Variants in RASEF observed in about 807,000 individuals in gnomAD.
RASEF encodes the protein ras and EF-hand domain-containing protein.
In RASEF, 68 loss-of-function variants were observed where a neutral mutation model predicts 90.1. The observed-to-expected ratio is 0.75, with a 90% CI of 0.62 to 0.92. The LOEUF is 0.92. Among genes scored for constraint, RASEF ranks in the 40% least tolerant of loss-of-function variants. RASEF has a pLI of 0.00. For synonymous variants in RASEF, 331 were observed against 345.2 expected (o/e 0.96, Z 0.46); for missense variants, 949 against 937.2 (o/e 1.01, Z -0.16).
intron 3 of RASEF, among the ~76,000 whole-genome samples, chr9:83,020,913 A>T (rs1456667688): frequency 4.6e-5 from 7 of 152,216 alleles, no homozygotes; most frequent in African/African-American, 1.4e-4. Context: ...TACCAAAAGG[A>T]AAGTGCTAGC....
rs1470025089 is a variant in RASEF, at chr9:83,000,193, G to A, written c.1699C>T (p.Arg567Ter). Reference sequence around the variant, plus strand: ...CCCAGGGTGGCGCTTATATTTTCTCGAAATTCATTCTTGCAAAGTCTCATG... The same window carrying A: ...CCCAGGGTGGCGCTTATATTTTCTCAAAATTCATTCTTGCAAAGTCTCATG... The part of the protein sequence containing the change: ...FLMRLCKNEF[R>*]ENISATLGVD... Residue 567 changes from arginine (R) to a stop codon, truncating the protein, a stop_gained, in exon 12 of 17, where the codon CGA becomes TGA. Transcript: ENST00000376447. LOFTEE classifies it high-confidence loss of function. 3.1e-6 allele frequency: 5 copies of A among 1,613,598 alleles called. No individual in the cohort carries two copies. The highest frequency in any genetic ancestry group is 4.2e-6 in the Non-Finnish European group (5 of 1,179,920).
At chr9:83,122,266 A>G in the RASEF span, among the ~76,000 whole-genome samples, 1 of 152,182 alleles carries the variant, frequency 6.6e-6, no homozygotes, top group South Asian at 2.1e-4. Flanking sequence ...GCAGCTTTTC[A>G]CGTTCAACTC....
At chr9:82,991,383 C>T (rs934980804) in intron 15 of RASEF, among the ~76,000 whole-genome samples, 3 of 152,202 alleles carry the variant, frequency 2.0e-5, no homozygotes, top group Non-Finnish European at 4.4e-5. Flanking sequence ...TCATGCACAG[C>T]AATTGCCACA....
At chr9:83,030,603 C>T (rs913070346) in intron 1 of RASEF, among the ~76,000 whole-genome samples, 2 of 152,176 alleles carry the variant, frequency 1.3e-5, no homozygotes, top group East Asian at 1.9e-4. Flanking sequence ...ATGTCTGCCA[C>T]TAACAGAAAA....
chr9:83,016,720 G>T (rs898172770), intron 3 of RASEF, among the ~76,000 whole-genome samples: 1 of 151,874 alleles, frequency 6.6e-6, no homozygotes, highest in Non-Finnish European at 1.5e-5. Context: ...TACAAAAAAA[G>T]AAAAAACAGG....
At chr9:83,106,977 C>T in the RASEF span, among the ~76,000 whole-genome samples, 6 of 152,130 alleles carry the variant, frequency 3.9e-5, no homozygotes, top group African/African-American at 1.2e-4. Context: ...TCTGGCCTTG[C>T]ACTGCAGCAA....
Position 83,025,796 on chromosome 9 carries a change from T to A in RASEF, c.557A>T (p.Asn186Ile). 1 of 1,613,822 alleles carries A rather than the reference T, an allele frequency of 6.2e-7. No individual in the cohort carries two copies. The highest frequency in any genetic ancestry group is 1.1e-5 in the South Asian group (1 of 90,978). ...EIRLQSTEME[N>I]LAIAVKRAQD... ...ATACCTCTTCACCGCAATGGCCAAA[T>A]TTTCCATTTCTGTGCTTTGAAGTCT... The change falls in exon 2 of 17, where the codon AAT (asparagine) becomes ATT (isoleucine). Residue 186 changes from asparagine to isoleucine, a missense_variant. Around this residue, in one of 3 missense-constraint regions of RASEF, gnomAD observed 656 missense variants for 592.2 expected, o/e 1.11. Transcript: ENST00000376447.
chr9:83,055,716 CA>C lies in RASEF; in HGVS notation c.431+6720del. ...ACAAAAGTCATCCAAATCTGTAATG[CA>C]GGTGATTTGGAATGAGCTCACATCA... On this transcript the variant is annotated intron_variant, in intron 1 of 16. Transcript: ENST00000376447. 4.2e-6 allele frequency: 3 copies of C among 714,856 alleles called. No individual in the cohort carries two copies. The South Asian group carries it at 4.5e-5, about 11-fold the overall frequency. The allele number at this position is 714,856 out of a possible 1,614,324, so 44.3% of individuals were successfully genotyped here.
intron 12 of RASEF, 101 bp downstream of exon 12, chr9:83,000,068 G>T: frequency 1.9e-6 from 2 of 1,075,458 alleles, no homozygotes; most frequent in South Asian, 1.5e-5. Context: ...CAGAGAAAGA[G>T]AAAACTGTTA....
At chr9:83,094,400 ATATAT>A in the RASEF span, among the ~76,000 whole-genome samples, 1 of 152,052 alleles carries the variant, frequency 6.6e-6, no homozygotes, top group Non-Finnish European at 1.5e-5. Flanking sequence ...TTAAAATAAA[ATATAT>A]TATTAAAATT....
chr9:83,161,984 T>A, the RASEF span, among the ~76,000 whole-genome samples: 1 of 152,038 alleles, frequency 6.6e-6, no homozygotes, highest in East Asian at 1.9e-4. Flanking sequence ...AACCTCTTTC[T>A]TCTGTAAATT....
chr9:83,015,895 T>G lies in RASEF; in HGVS notation c.675A>C (p.Lys225Asn). ...CACTGAGGGCTTCCTCAGCTTTGCG[T>G]TTTTCCTAAAAGAAAAAAAAATATG... ...AAEHKTRKDE[K>N]RKAEEALSDL... Residue 225 changes from lysine (K) to asparagine (N), a missense_variant, in exon 4 of 17, where the codon AAA becomes AAC. Coordinates refer to ENST00000376447, the MANE Select transcript of RASEF (RefSeq NM_152573.4). 6.2e-7 allele frequency: 1 copy of G among 1,612,334 alleles called. No individual in the cohort carries two copies. The highest frequency in any genetic ancestry group is 8.5e-7 in the Non-Finnish European group (1 of 1,179,076).
rs185831626 is a variant in RASEF at position 83,031,864 on chromosome 9, T to G, written c.432-5943A>C. Among the ~76,000 whole-genome samples, 440 of 152,268 alleles carry G rather than the reference T, an allele frequency of 2.9e-3. 4 individuals are homozygous for G. Among genetic ancestry groups the G allele is most frequent in the African/African-American group, 0.01 (429 of 41,548 alleles). On this transcript the variant is annotated intron_variant, in intron 1 of 16. Transcript: ENST00000376447. The stretch of plus-strand genomic sequence containing the variant: ...GCAGTGGGCACAGTCCCACCTTCCA[T>G]CCCTGCCCCCATCTGCCTGTGTGCT...
chr9:83,079,106 C>T, the RASEF span, among the ~76,000 whole-genome samples: 54 of 152,230 alleles, frequency 3.5e-4, no homozygotes, highest in East Asian at 9.5e-3. Flanking sequence ...CTTTTGGTGT[C>T]TTTGTCATGA....
upstream of RASEF, among the ~76,000 whole-genome samples, chr9:83,066,567 T>C (rs984760243): frequency 1.3e-5 from 2 of 152,230 alleles, no homozygotes; most frequent in African/African-American, 4.8e-5. Context: ...CAGAGCAGGC[T>C]TTGAGAGCCA....
At chr9:83,064,667 T>C (rs1423830376), upstream of RASEF, among the ~76,000 whole-genome samples, 1 of 152,232 alleles carries the variant, frequency 6.6e-6, no homozygotes, top group East Asian at 1.9e-4. Flanking sequence ...TGCACAACTT[T>C]ATTCCTGAAT....
rs1828567300 is a variant in RASEF at position 82,979,892 on chromosome 9, AATCTTT to A, written c.*2779_*2784del. ...CGATCACTGTACAAATATGAAAATA[AATCTTT>A]ATCTTTAACCTCAATTTTATCTTCA... is the stretch of plus-strand genomic sequence containing the variant. On this transcript the variant is annotated 3_prime_UTR_variant, in exon 17 of 17. Transcript: ENST00000376447. 2 of 152,192 alleles carry A rather than the reference AATCTTT, an allele frequency of 1.3e-5. No individual in the cohort carries two copies. The highest frequency in any genetic ancestry group is 1.3e-4 in the Admixed American group (2 of 15,272). The allele number at this position is 152,192 out of a possible 1,614,324, so 9.4% of individuals were successfully genotyped here. A position where few individuals can be genotyped will look rare whatever the true frequency, so the allele number is the denominator to read the frequency against.
At chr9:83,169,188 T>A in the RASEF span, among the ~76,000 whole-genome samples, 2 of 152,102 alleles carry the variant, frequency 1.3e-5, no homozygotes, top group Non-Finnish European at 2.9e-5. Flanking sequence ...AGGGCTTCAT[T>A]TTTTTATGGC....
At chr9:83,111,765 A>G in the RASEF span, among the ~76,000 whole-genome samples, 1 of 152,082 alleles carries the variant, frequency 6.6e-6, no homozygotes, top group Non-Finnish European at 1.5e-5. Context: ...AAAAAAATGG[A>G]TGAATATGTA....
Sources: allele counts gnomAD v4.1 joint callset (sites outside exome capture counted in the v4.1 genomes callset), GRCh38; gene constraint gnomAD v4.1.1; regional missense constraint gnomAD v4.1.1; transcripts MANE v1.5; gene names NCBI Gene and HGNC (gene_info 2026-07-23, HGNC 2026-07-21).